The following ATXN1 variants were observed in gnomAD, a reference collection of about 807,000 sequenced individuals.
The protein encoded by ATXN1 is ataxin-1.
ATXN1 carries 8 observed loss-of-function variants against 56.4 expected under a neutral mutation model. That is an observed-to-expected ratio of 0.14 (90% CI 0.08 to 0.26). The LOEUF (loss-of-function observed/expected upper bound fraction) is 0.26, where lower values mean the gene tolerates loss of function less well. Ranked by LOEUF, ATXN1 falls within the 10% of genes least tolerant of loss-of-function variation. The pLI is 1.00. For synonymous variants in ATXN1, 514 were observed against 494.6 expected (o/e 1.04, Z -0.52); for missense variants, 987 against 1,106.5 (o/e 0.89, Z 1.53).
At chr6:16,604,570 C>A (rs1446604079) in intron 3 of ATXN1, among the ~76,000 whole-genome samples, 2 of 149,874 alleles carry the variant, frequency 1.3e-5, no homozygotes, top group Admixed American at 1.3e-4. Context: ...CTTCAGACAA[C>A]TGGATTTTGT....
chr6:16,445,335 C>A (rs1220198538), intron 6 of ATXN1, among the ~76,000 whole-genome samples: 2 of 152,006 alleles, frequency 1.3e-5, no homozygotes, highest in African/African-American at 4.8e-5. Flanking sequence ...GAGTCAACAG[C>A]AATCTGTTAT....
chr6:16,686,720 T>C (rs1170229657), intron 2 of ATXN1, among the ~76,000 whole-genome samples: 1 of 152,176 alleles, frequency 6.6e-6, no homozygotes, highest in Non-Finnish European at 1.5e-5. Flanking sequence ...TTTAAAGTCC[T>C]ACAAATATTT....
intron 6 of ATXN1, among the ~76,000 whole-genome samples, chr6:16,413,066 T>G (rs1758831154): frequency 6.6e-6 from 1 of 152,216 alleles, no homozygotes; most frequent in African/African-American, 2.4e-5. Flanking sequence ...TCCCAAACTA[T>G]GTTAGAAATG....
At chr6:16,324,042 C>T (rs1760746641) in intron 7 of ATXN1, among the ~76,000 whole-genome samples, 3 of 152,072 alleles carry the variant, frequency 2.0e-5, no homozygotes, top group Admixed American at 2.0e-4. Context: ...GGGCTAAAAG[C>T]TCTCGGCAAT....
rs774024850 is a variant in ATXN1 at position 16,326,685 on chromosome 6, G to A, written c.1626C>T (p.Ala542=). The part of the protein sequence containing the change: ...NFNPEALVTQ[A]AYPAMVQAQI... Reference sequence around the variant, plus strand: ...GGGCCTGCACCATGGCTGGGTAGGCGGCCTGGGTGACCAGGGCCTCAGGGT... The same window carrying A: ...GGGCCTGCACCATGGCTGGGTAGGCAGCCTGGGTGACCAGGGCCTCAGGGT... Residue 542 remains alanine (A), a synonymous_variant, in exon 7 of 8, where the codon GCC becomes GCT. Transcript: ENST00000436367. The surrounding 1 kb of genome is among the most constrained non-coding windows in gnomAD (Gnocchi z 6.6). 22 of 1,613,038 alleles carry A rather than the reference G, an allele frequency of 1.4e-5. No individual in the cohort carries two copies. The highest frequency in any genetic ancestry group is 3.3e-5 in the South Asian group (3 of 91,086).
intron 6 of ATXN1, among the ~76,000 whole-genome samples, chr6:16,399,747 A>C (rs1758530166): frequency 6.6e-6 from 1 of 152,040 alleles, no homozygotes; most frequent in South Asian, 2.1e-4. Flanking sequence ...AATGCTGCTA[A>C]ATTTCTCCCA....
chr6:16,387,226 G>A (rs1229647407), intron 6 of ATXN1, among the ~76,000 whole-genome samples: 1 of 152,110 alleles, frequency 6.6e-6, no homozygotes, highest in Non-Finnish European at 1.5e-5. Flanking sequence ...TGAGAACCCG[G>A]ATGAAGTAGA....
chr6:16,614,758 A>T (rs2113794502), intron 3 of ATXN1, among the ~76,000 whole-genome samples: 1 of 151,590 alleles, frequency 6.6e-6, no homozygotes, highest in South Asian at 2.1e-4. Flanking sequence ...CTCCGTCTCT[A>T]CTAAAAATAC....
intron 6 of ATXN1, among the ~76,000 whole-genome samples, chr6:16,422,155 G>C (rs978491226): frequency 2.0e-5 from 3 of 151,952 alleles, no homozygotes; most frequent in Non-Finnish European, 2.9e-5. Context: ...GTTATCCTTC[G>C]AGAGGGCCAC....
rs531416833 is a variant in ATXN1, at chr6:16,300,189, A to G, written c.*6140T>C. On this transcript the variant is annotated 3_prime_UTR_variant, in exon 8 of 8. Transcript: ENST00000436367. ...AAAGAAAACGTGGGTGAAGCCTCCA[A>G]TGTATCTGCAGTGGAAGACTTGAGT... 2.0e-5 allele frequency: 3 copies of G among 152,766 alleles called. No individual in the cohort carries two copies. Among genetic ancestry groups the G allele is most frequent in the Admixed American group, 6.5e-5 (1 of 15,292 alleles). The allele number at this position is 152,766 out of a possible 1,614,324, so 9.5% of individuals were successfully genotyped here.
intron 6 of ATXN1, among the ~76,000 whole-genome samples, chr6:16,461,200 A>G (rs544949193): frequency 6.6e-6 from 1 of 152,362 alleles, no homozygotes; most frequent in South Asian, 2.1e-4. Flanking sequence ...AACCCCCTCC[A>G]AGAGATTAAG....
chr6:16,559,972 T>A (rs1762085789), intron 4 of ATXN1, among the ~76,000 whole-genome samples: 1 of 152,094 alleles, frequency 6.6e-6, no homozygotes, highest in Admixed American at 6.5e-5. Context: ...CTGCACCGCC[T>A]CCCCACCCCA....
chr6:16,563,447 G>C (rs922279474), intron 4 of ATXN1, among the ~76,000 whole-genome samples: 1 of 152,104 alleles, frequency 6.6e-6, no homozygotes, highest in African/African-American at 2.4e-5. Flanking sequence ...CAAGCCATGA[G>C]GTCTAGGCTG....
At chr6:16,538,451 C>G (rs1457039981) in intron 4 of ATXN1, among the ~76,000 whole-genome samples, 1 of 151,620 alleles carries the variant, frequency 6.6e-6, no homozygotes, top group Non-Finnish European at 1.5e-5. Flanking sequence ...TTTAATTATA[C>G]TTTAAGTTTT....
chr6:16,633,331 C>T (rs1023737900), intron 3 of ATXN1, among the ~76,000 whole-genome samples: 12 of 152,116 alleles, frequency 7.9e-5, no homozygotes, highest in African/African-American at 2.9e-4. Context: ...GCAAACAAGT[C>T]ACCCATTGAC....
chr6:16,432,122 T>C (rs1759296950), intron 6 of ATXN1, among the ~76,000 whole-genome samples: 1 of 152,252 alleles, frequency 6.6e-6, no homozygotes, highest in South Asian at 2.1e-4. Context: ...GGAATGTACC[T>C]TCTTCCCCTC....
intron 4 of ATXN1, among the ~76,000 whole-genome samples, chr6:16,554,394 C>T (rs769178647): frequency 1.3e-5 from 2 of 152,226 alleles, no homozygotes; most frequent in African/African-American, 4.8e-5. Flanking sequence ...TAAACCCACC[C>T]GAGAGACATT....
intron 6 of ATXN1, among the ~76,000 whole-genome samples, chr6:16,414,040 A>G (rs541575271): frequency 6.6e-6 from 1 of 152,370 alleles, no homozygotes; most frequent in Admixed American, 6.5e-5. Flanking sequence ...TTGGAGGATA[A>G]GAAGCGAACT....
intron 3 of ATXN1, among the ~76,000 whole-genome samples, 169 bp downstream of exon 3, chr6:16,657,607 C>T (rs1018356533): frequency 1.3e-5 from 2 of 152,152 alleles, no homozygotes; most frequent in East Asian, 1.9e-4. Context: ...AAAGTAAATG[C>T]GGTTGCTCTC....
Sources: allele counts gnomAD v4.1 joint callset (sites outside exome capture counted in the v4.1 genomes callset), GRCh38; gene constraint gnomAD v4.1.1; non-coding constraint Gnocchi (gnomAD v3.1); transcripts MANE v1.5; gene names NCBI Gene and HGNC (gene_info 2026-07-23, HGNC 2026-07-21).